Variants in CFAP251 observed in about 807,000 individuals in gnomAD.
The protein encoded by CFAP251 is cilia- and flagella-associated protein 251.
In CFAP251, 93 loss-of-function variants were observed where a neutral mutation model predicts 126.7. That is an observed-to-expected ratio of 0.73 (90% CI 0.62 to 0.87). The LOEUF (loss-of-function observed/expected upper bound fraction) is 0.87, where lower values mean the gene tolerates loss of function less well. CFAP251 is among the 40% of genes least tolerant of loss of function. The pLI is 0.00. For synonymous variants in CFAP251, 503 were observed against 506.9 expected, an observed-to-expected ratio of 0.99 and a Z score of 0.10; for missense variants, 1,287 against 1,389.2, an observed-to-expected ratio of 0.93 and a Z score of 1.17.
At chr12:121,938,047 C>G (rs1408286115) in intron 5 of CFAP251, among the ~76,000 whole-genome samples, 1 of 152,164 alleles carries the variant, frequency 6.6e-6, no homozygotes, top group Non-Finnish European at 1.5e-5. Flanking sequence ...CTCTATCACC[C>G]AGGCGGGAGT....
intron 1 of CFAP251, among the ~76,000 whole-genome samples, chr12:121,919,847 G>A (rs753146492): frequency 6.6e-6 from 1 of 152,148 alleles, no homozygotes; most frequent in African/African-American, 2.4e-5. Context: ...GACAGGCCCT[G>A]GATCAGTATT....
chr12:121,950,277 G>A (rs1881473434), intron 8 of CFAP251: 1 of 152,244 alleles, frequency 6.6e-6, no homozygotes, highest in Admixed American at 6.5e-5. Flanking sequence ...CAAGTCCACA[G>A]ATACAGAGTA....
chr12:121,921,594 A>G lies in CFAP251; in HGVS notation c.289A>G (p.Thr97Ala). ...GGCTTCAGGAATACAGGAAGAAACC[A>G]CAGTAGAGCCCCAAGAAGTCACAGC... ...KEASGIQEET[T>A]VEPQEVTASM... Residue 97 changes from threonine (T) to alanine (A), a missense_variant, in exon 2 of 22, where the codon ACA (threonine) becomes GCA (alanine). Thr to Ala is a moderately conservative substitution (Grantham distance 58). Coordinates refer to ENST00000288912, the MANE Select transcript of CFAP251 (RefSeq NM_144668.6). 1 of 1,614,186 alleles carries G rather than the reference A, an allele frequency of 6.2e-7. No homozygotes were observed. The highest frequency in any genetic ancestry group is 8.5e-7 in the Non-Finnish European group (1 of 1,180,044).
At chr12:121,958,040 C>A (rs1028945040) in intron 11 of CFAP251, among the ~76,000 whole-genome samples, 1 of 152,210 alleles carries the variant, frequency 6.6e-6, no homozygotes, top group Non-Finnish European at 1.5e-5. Flanking sequence ...AATTGTACAA[C>A]TGACTGTCCA....
rs1004745371 is a variant in CFAP251 at position 121,982,852 on chromosome 12, G to A, written c.3006+7167G>A. ...AAGTCCTGCATATGCCTGGAGTCCC[G>A]GCTGCTTGAGAGGCTGAGGCAGGAG... is the stretch of plus-strand genomic sequence containing the variant. On this transcript the variant is annotated intron_variant, in intron 19 of 21. Coordinates refer to ENST00000288912, the MANE Select transcript of CFAP251 (RefSeq NM_144668.6). 8.5e-5 allele frequency among the ~76,000 whole-genome samples: 13 copies of A among 152,168 alleles called. No homozygotes were observed. The South Asian group carries it at 1.4e-3, about 17-fold the overall frequency.
Position 121,959,164 on chromosome 12 carries a change from T to C in CFAP251, c.2133+70T>C, listed in dbSNP as rs929326628. The C allele has an allele frequency of 8.9e-6, 13 of 1,458,512 alleles. No individual in the cohort carries two copies. The African/African-American group carries it at 1.6e-4, about 18-fold the overall frequency. The allele number at this position is 1,458,512 out of a possible 1,614,324, so 90.3% of individuals were successfully genotyped here. A position where few individuals can be genotyped will look rare whatever the true frequency, so the allele number is the denominator to read the frequency against. On this transcript the variant is annotated intron_variant, in intron 13 of 21. Coordinates refer to ENST00000288912, the MANE Select transcript of CFAP251 (RefSeq NM_144668.6). Reference sequence around the variant, plus strand: ...ATTTGAAACCAAAAGAGGCCAGACATAGTAGCTAACACCTGTAATCCCAAT... The same window carrying C: ...ATTTGAAACCAAAAGAGGCCAGACACAGTAGCTAACACCTGTAATCCCAAT...
intron 5 of CFAP251, among the ~76,000 whole-genome samples, chr12:121,936,988 G>T (rs1880921038): frequency 6.6e-6 from 1 of 152,214 alleles, no homozygotes; most frequent in South Asian, 2.1e-4. Context: ...TGCCCGGTCA[G>T]CCGTGGTCTG....
At chr12:121,990,019 C>G (rs1194186183) in intron 19 of CFAP251, among the ~76,000 whole-genome samples, 1 of 152,108 alleles carries the variant, frequency 6.6e-6, no homozygotes, top group Non-Finnish European at 1.5e-5. Flanking sequence ...AAGAGGCCAC[C>G]CTCATGTCTT....
intron 17 of CFAP251, chr12:121,969,036 C>T (rs1882246714): frequency 2.0e-6 from 2 of 985,132 alleles, no homozygotes; most frequent in South Asian, 9.4e-5. Flanking sequence ...CTCCAAGCCC[C>T]TGCGCTGCCT....
chr12:121,991,142 C>T (rs1199381204), intron 19 of CFAP251, among the ~76,000 whole-genome samples: 4 of 152,168 alleles, frequency 2.6e-5, no homozygotes, highest in Non-Finnish European at 4.4e-5. Context: ...TCACTTGTGT[C>T]CACATTATTT....
At chr12:121,973,375 G>A (rs934898722) in intron 17 of CFAP251, among the ~76,000 whole-genome samples, 1 of 152,232 alleles carries the variant, frequency 6.6e-6, no homozygotes, top group Non-Finnish European at 1.5e-5. Context: ...CCCTCATGGA[G>A]CACCTCTGCT....
chr12:121,923,983 A>T lies in CFAP251; in HGVS notation c.740A>T (p.Tyr247Phe). ...LFQKDKSTPV[Y>F]PLTMTWSFGW... is the part of the protein sequence containing the mutation. ...CAAAAGGATAAAAGCACCCCGGTGT[A>T]TCCCTTGGTAAGTGTAATGCTTTTA... is the stretch of plus-strand genomic sequence containing the variant. Residue 247 changes from tyrosine (Y) to phenylalanine (F), a missense_variant, in exon 3 of 22, where the codon TAT (tyrosine) becomes TTT (phenylalanine). Tyr to Phe is a conservative substitution (Grantham distance 22). Transcript: ENST00000288912. 1 of 1,603,486 alleles carries T rather than the reference A, an allele frequency of 6.2e-7. No individual in the cohort carries two copies. The highest frequency in any genetic ancestry group is 8.5e-7 in the Non-Finnish European group (1 of 1,176,274).
At chr12:121,924,034 G>T in intron 3 of CFAP251, 44 bp downstream of exon 3, 13 of 1,535,452 alleles carry the variant, frequency 8.5e-6, no homozygotes, top group Non-Finnish European at 1.1e-5. Flanking sequence ...TTTTGAGAGT[G>T]TTGCGCAATA....
In CFAP251 at chr12:121,968,154, G is replaced by A. The variant is rs2135792984; in HGVS notation, c.2756G>A (p.Trp919Ter). 1 of 1,606,222 alleles carries A rather than the reference G, an allele frequency of 6.2e-7. No individual in the cohort carries two copies. The highest frequency in any genetic ancestry group is 8.5e-7 in the Non-Finnish European group (1 of 1,174,272). ...AGGHDRSVVQ[W>*]KITLSVLEAA... is the part of the protein sequence containing the mutation. ...GGGCACGATCGCTCGGTGGTGCAGT[G>A]GAAAATCACCTTAAGGTACACGATG... The change falls in exon 17 of 22, where the codon TGG becomes TAG. Residue 919 changes from tryptophan to a stop codon, truncating the protein, a stop_gained. Coordinates refer to ENST00000288912, the MANE Select transcript of CFAP251 (RefSeq NM_144668.6). LOFTEE classifies it high-confidence loss of function.
intron 13 of CFAP251, among the ~76,000 whole-genome samples, chr12:121,960,000 G>T (rs974225740): frequency 7.9e-5 from 12 of 152,002 alleles, no homozygotes; most frequent in Non-Finnish European, 1.0e-4. Flanking sequence ...AGGTATGGTG[G>T]CATGTGCCTG....
intron 17 of CFAP251, chr12:121,971,834 AC>A (rs1882337661): frequency 6.0e-6 from 3 of 495,940 alleles, no homozygotes; most frequent in Non-Finnish European, 1.1e-5. Flanking sequence ...GGTGGGAGGG[AC>A]CTGGTGGGAG....
intron 19 of CFAP251, among the ~76,000 whole-genome samples, chr12:121,993,495 C>A (rs1480173908): frequency 6.8e-6 from 1 of 146,794 alleles, no homozygotes; most frequent in Non-Finnish European, 1.5e-5. Context: ...CGTCTCCACC[C>A]GGCCGCCATC....
At chr12:121,922,123 T>C (rs1403855854) in intron 2 of CFAP251, among the ~76,000 whole-genome samples, 1 of 149,414 alleles carries the variant, frequency 6.7e-6, no homozygotes, top group Non-Finnish European at 1.5e-5. Context: ...TTTTTTTTTT[T>C]TGAGACAGAG....
Position 121,957,074 on chromosome 12 carries a change from C to G in CFAP251, c.1536C>G (p.Ser512Arg). 6.3e-7 allele frequency: 1 copy of G among 1,579,632 alleles called. No individual in the cohort carries two copies. The highest frequency in any genetic ancestry group is 8.6e-7 in the Non-Finnish European group (1 of 1,163,568). Residue 512 changes from serine to arginine, a missense_variant and splice_region_variant, in exon 11 of 22, where the codon AGC (serine) becomes AGG (arginine). Physicochemically the swap from Ser to Arg is moderately radical, Grantham distance 110 (BLOSUM62 -1). Transcript: ENST00000288912. ...EGITVLTTID[S>R]YIVTGDIKGN... ...AAACTGATGTTATTCTCCATTTCAG[C>G]TACATTGTCACAGGTGACATTAAGG...
Sources: gnomAD v4.1 joint callset for allele counts (sites outside exome capture counted in the v4.1 genomes callset) on GRCh38, gnomAD v4.1.1 for gene constraint, MANE v1.5 for transcripts, NCBI Gene and HGNC (gene_info 2026-07-23, HGNC 2026-07-21) for gene names.